The following CADPS2 variants were observed in gnomAD, a reference collection of about 807,000 sequenced individuals.
The protein encoded by CADPS2 is calcium-dependent secretion activator 2.
CADPS2 carries 93 observed loss-of-function variants against 172.5 expected under a neutral mutation model. The observed-to-expected ratio is 0.54, with a 90% CI of 0.46 to 0.64. CADPS2 has a LOEUF of 0.64. Among genes scored for constraint, CADPS2 ranks in the 30% least tolerant of loss-of-function variants. The pLI, the probability that CADPS2 is intolerant of heterozygous loss-of-function variation, is 0.00. For missense variants in CADPS2, 1,420 were observed against 1,565.9 expected (o/e 0.91, Z 1.57); for synonymous variants, 546 against 555.2 (o/e 0.98, Z 0.23).
chr7:122,686,245 G>A (rs1419039973), intron 2 of CADPS2, among the ~76,000 whole-genome samples: 1 of 152,140 alleles, frequency 6.6e-6, no homozygotes, highest in African/African-American at 2.4e-5. Flanking sequence ...TTGTGATAGT[G>A]GTAGCGGATA....
At chr7:122,533,660 A>G (rs1482259482) in intron 8 of CADPS2, among the ~76,000 whole-genome samples, 1 of 152,182 alleles carries the variant, frequency 6.6e-6, no homozygotes. Context: ...ATGCCAATTA[A>G]CAAATTGCTA....
intron 20 of CADPS2, among the ~76,000 whole-genome samples, chr7:122,404,187 C>T (rs1016347167): frequency 3.3e-5 from 5 of 152,044 alleles, no homozygotes; most frequent in Non-Finnish European, 2.9e-5. Flanking sequence ...GTTCCCCTTC[C>T]TGTGTTCATG....
At chr7:122,841,382 G>A (rs980283643) in intron 1 of CADPS2, among the ~76,000 whole-genome samples, 10 of 152,064 alleles carry the variant, frequency 6.6e-5, no homozygotes, top group Non-Finnish European at 1.5e-4. Context: ...CTAATTATAT[G>A]GAGTTTAACA....
intron 8 of CADPS2, among the ~76,000 whole-genome samples, chr7:122,514,851 T>C (rs2060242749): frequency 6.6e-6 from 1 of 152,108 alleles, no homozygotes; most frequent in Non-Finnish European, 1.5e-5. Context: ...TCACATTGTG[T>C]AATATTACAT....
intron 2 of CADPS2, among the ~76,000 whole-genome samples, chr7:122,729,109 C>T (rs983951255): frequency 2.0e-5 from 3 of 151,778 alleles, no homozygotes; most frequent in African/African-American, 7.2e-5. Flanking sequence ...TGAGGGAAAT[C>T]ATGCAGAATT....
At chr7:122,788,409 A>G (rs1281033409) in intron 1 of CADPS2, among the ~76,000 whole-genome samples, 3 of 152,168 alleles carry the variant, frequency 2.0e-5, no homozygotes, top group Non-Finnish European at 4.4e-5. Flanking sequence ...CATCACTCTT[A>G]ACTTTGTAGT....
At chr7:122,868,998 C>T (rs148228502) in intron 1 of CADPS2, among the ~76,000 whole-genome samples, 5 of 151,716 alleles carry the variant, frequency 3.3e-5, no homozygotes, top group Admixed American at 6.6e-5. Context: ...TGGAAATCAT[C>T]GAATCTGAGG....
At chr7:122,409,511 A>G (rs1406043524) in intron 19 of CADPS2, 3 of 314,614 alleles carry the variant, frequency 9.5e-6, no homozygotes, top group African/African-American at 6.6e-5. Flanking sequence ...AGATTTTGCC[A>G]TCAACTGGAA....
At chr7:122,711,075 G>T (rs954574616) in intron 2 of CADPS2, among the ~76,000 whole-genome samples, 4 of 152,018 alleles carry the variant, frequency 2.6e-5, no homozygotes, top group Non-Finnish European at 5.9e-5. Flanking sequence ...GCAATGATTT[G>T]ACAAGTCTTC....
chr7:122,713,068 G>C (rs1420457261), intron 2 of CADPS2, among the ~76,000 whole-genome samples: 1 of 151,992 alleles, frequency 6.6e-6, no homozygotes, highest in Non-Finnish European at 1.5e-5. Flanking sequence ...GATATCCTAA[G>C]TTATCACTTT....
chr7:122,403,325 C>A (rs1403054994), intron 20 of CADPS2, among the ~76,000 whole-genome samples: 1 of 152,154 alleles, frequency 6.6e-6, no homozygotes, highest in African/African-American at 2.4e-5. Flanking sequence ...CACTGGGGAA[C>A]TTTTCTGTTT....
At chr7:122,322,989 T>A (rs1010881660) in intron 29 of CADPS2, among the ~76,000 whole-genome samples, 3 of 152,182 alleles carry the variant, frequency 2.0e-5, no homozygotes, top group African/African-American at 7.2e-5. Flanking sequence ...GAAAGTCTGG[T>A]TATGGGCCTT....
At chr7:122,537,171 T>C (rs986862653) in intron 8 of CADPS2, among the ~76,000 whole-genome samples, 4 of 147,612 alleles carry the variant, frequency 2.7e-5, no homozygotes, top group African/African-American at 7.5e-5. Flanking sequence ...ATCTTAAAAG[T>C]GAAAAAAAAA....
intron 1 of CADPS2, among the ~76,000 whole-genome samples, chr7:122,802,856 T>G (rs190688961): frequency 1.3e-5 from 2 of 152,314 alleles, no homozygotes; most frequent in East Asian, 3.9e-4. Context: ...GGACAGGAAT[T>G]AAAGCAAATG....
chr7:122,601,121 A>C (rs2133474536), intron 6 of CADPS2, among the ~76,000 whole-genome samples: 1 of 138,328 alleles, frequency 7.2e-6, no homozygotes, highest in South Asian at 2.3e-4. Flanking sequence ...TTGAAAGTGA[A>C]GTAATAAAGG....
chr7:122,698,397 T>C (rs2085475570), intron 2 of CADPS2: 1 of 1,614,030 alleles, frequency 6.2e-7, no homozygotes, highest in Non-Finnish European at 8.5e-7. Flanking sequence ...CAACCACGGC[T>C]GTAATGAGAA....
intron 20 of CADPS2, among the ~76,000 whole-genome samples, chr7:122,404,309 C>A (rs1322877872): frequency 6.6e-6 from 1 of 152,188 alleles, no homozygotes; most frequent in Non-Finnish European, 1.5e-5. Flanking sequence ...CATGTCCCTA[C>A]AAAGGACATG....
intron 4 of CADPS2, among the ~76,000 whole-genome samples, chr7:122,624,938 C>T (rs1185692244): frequency 6.6e-6 from 1 of 152,140 alleles, no homozygotes; most frequent in African/African-American, 2.4e-5. Context: ...GAAGGAGGAA[C>T]ACAGAGTGAG....
At chr7:122,549,178 C>T (rs1249292771) in intron 8 of CADPS2, among the ~76,000 whole-genome samples, 1 of 152,134 alleles carries the variant, frequency 6.6e-6, no homozygotes, top group Non-Finnish European at 1.5e-5. Context: ...AGGAGGATCG[C>T]TTGAGTGCAG....
Sources: allele counts gnomAD v4.1 joint callset (sites outside exome capture counted in the v4.1 genomes callset), GRCh38; gene constraint gnomAD v4.1.1; transcripts MANE v1.5; gene names NCBI Gene and HGNC (gene_info 2026-07-23, HGNC 2026-07-21).